CFAP97D2: variants seen among roughly 807,000 people sequenced by gnomAD.
The protein encoded by CFAP97D2 is CFAP97 domain containing 2.
rs994102499 is a variant in CFAP97D2 at position 114,182,425 on chromosome 13, C to T, written c.90+3005C>T. On this transcript the variant is annotated intron_variant, in intron 1 of 4. Coordinates refer to ENST00000646158, the Ensembl canonical transcript of CFAP97D2. Reference sequence around the variant, plus strand: ...CCAGGGGCAGGCAGGAGACAGTGGCCTTCCTCTATCTCAACTGCAAGAGGC... The same window carrying T: ...CCAGGGGCAGGCAGGAGACAGTGGCTTTCCTCTATCTCAACTGCAAGAGGC... 2.9e-3 allele frequency among the ~76,000 whole-genome samples: 437 copies of T among 152,094 alleles called. 1 individual carries two copies. The highest frequency in any genetic ancestry group is 6.3e-3 in the African/African-American group (263 of 41,468).
intron 4 of CFAP97D2, among the ~76,000 whole-genome samples, chr13:114,220,174 G>A (rs1182346096): frequency 2.6e-5 from 4 of 152,120 alleles, no homozygotes; most frequent in South Asian, 4.1e-4. Flanking sequence ...TGGGCCCAGC[G>A]GCCACCTTGA....
At chr13:114,221,419 A>G (rs9590483) in intron 4 of CFAP97D2, among the ~76,000 whole-genome samples, 29,255 of 152,258 alleles carry the variant, frequency 0.19, 3,128 homozygotes, top group African/African-American at 0.29. Context: ...ATGTTTAACA[A>G]CAAAACTGAC....
At chr13:114,216,398 G>C (rs2080993302) in intron 4 of CFAP97D2, among the ~76,000 whole-genome samples, 1 of 152,012 alleles carries the variant, frequency 6.6e-6, no homozygotes, top group African/African-American at 2.4e-5. Flanking sequence ...CCACTAACTT[G>C]TCATCTACGT....
At position 114,211,330 on chromosome 13, in the gene CFAP97D2, C is replaced by T. The variant is rs990410308; in HGVS notation, c.291-582C>T. ...TCCCACTTCATGCTCCCCAGTCCAG[C>T]CCCAGCCTGTCCACAGGGGTCTTTC... On this transcript the variant is annotated intron_variant, in intron 3 of 4. Transcript: ENST00000646158. This position sits in a 1 kb window ranked among gnomAD's most constrained non-coding sequence, Gnocchi z 4.2. Among the ~76,000 whole-genome samples, 2 of 152,304 alleles carry T rather than the reference C, an allele frequency of 1.3e-5. No individual in the cohort carries two copies. Among genetic ancestry groups the T allele is most frequent in the East Asian group, 3.9e-4 (2 of 5,178 alleles).
At position 114,209,668 on chromosome 13, in the gene CFAP97D2, G is replaced by A. The variant is rs554888230; in HGVS notation, c.291-2244G>A. ...CCACCGTTGTGTCTTCCTTTACCAC[G>A]GGCACCACAGTTGTCATCCAAGCAG... On this transcript the variant is annotated intron_variant, in intron 3 of 4. Coordinates refer to ENST00000646158, the Ensembl canonical transcript of CFAP97D2. 7.2e-5 allele frequency among the ~76,000 whole-genome samples: 11 copies of A among 152,086 alleles called. No homozygotes were observed. The South Asian group carries it at 1.7e-3, about 23-fold the overall frequency.
chr13:114,194,599 C>G (rs955989267), intron 1 of CFAP97D2, among the ~76,000 whole-genome samples: 2 of 152,064 alleles, frequency 1.3e-5, no homozygotes, highest in Non-Finnish European at 1.5e-5. Flanking sequence ...CATTTCCCCC[C>G]CAAGAGCATT....
At position 114,207,378 on chromosome 13, in the gene CFAP97D2, A is replaced by G. The variant is rs1434706131; in HGVS notation, c.291-4534A>G. Among the ~76,000 whole-genome samples, 1 of 152,152 alleles carries G rather than the reference A, an allele frequency of 6.6e-6. No individual in the cohort carries two copies. Among genetic ancestry groups the G allele is most frequent in the East Asian group, 1.9e-4 (1 of 5,202 alleles). ...GAATGAAGTAATTATACAACTCAAC[A>G]TCATGTAGAATCAGTGGGAGCCCTG... On this transcript the variant is annotated intron_variant, in intron 3 of 4. Transcript: ENST00000646158. The surrounding 1 kb of genome is among the most constrained non-coding windows in gnomAD (Gnocchi z 4.9).
At chr13:114,196,003 A>C (rs182636829) in intron 1 of CFAP97D2, among the ~76,000 whole-genome samples, 4 of 151,240 alleles carry the variant, frequency 2.6e-5, no homozygotes, top group Non-Finnish European at 5.9e-5. Flanking sequence ...GAATGGCATG[A>C]ACCCGGCAGA....
At position 114,186,658 on chromosome 13, in the gene CFAP97D2, G is replaced by A. The variant is rs1008041685; in HGVS notation, c.90+7238G>A. On this transcript the variant is annotated intron_variant, in intron 1 of 4. Transcript: ENST00000646158. This position sits in a 1 kb window ranked among gnomAD's most constrained non-coding sequence, Gnocchi z 4.3. ...GCCCTGCAGTTCCTGGAGCCTCCAA[G>A]CTTCTGGGCACCACTGCATTCCCCA... Among the ~76,000 whole-genome samples, 3 of 152,226 alleles carry A rather than the reference G, an allele frequency of 2.0e-5. No individual in the cohort carries two copies. Among genetic ancestry groups the A allele is most frequent in the African/African-American group, 7.2e-5 (3 of 41,456 alleles).
chr13:114,195,337 G>A lies in CFAP97D2; in HGVS notation c.91-1059G>A, dbSNP rs12585968. ...GCTCCTAAGTGTGCTCTGTGAACAC[G>A]TCTCCATCTGCCCCTTTCTCCACCT... On this transcript the variant is annotated intron_variant, in intron 1 of 4. Coordinates refer to ENST00000646158, the Ensembl canonical transcript of CFAP97D2. Among the ~76,000 whole-genome samples the A allele has an allele frequency of 3.1e-3, 475 of 152,230 alleles. 7 individuals carry two copies. The highest frequency in any genetic ancestry group is 1.3e-3 in the Non-Finnish European group (91 of 68,024).
chr13:114,217,976 TG>T lies in CFAP97D2; in HGVS notation c.481-4521del, dbSNP rs527635934. Among the ~76,000 whole-genome samples, 35 of 152,300 alleles carry T rather than the reference TG, an allele frequency of 2.3e-4. No individual in the cohort carries two copies. In the East Asian group the frequency reaches 6.6e-3, roughly 29 times the overall value. On this transcript the variant is annotated intron_variant, in intron 4 of 4. Coordinates refer to ENST00000646158, the Ensembl canonical transcript of CFAP97D2. ...TTTGAAAACTGGCACAAGACAGGGA[TG>T]CCCTCTCTCACCACTCCTATTCAAC... is the stretch of plus-strand genomic sequence containing the variant.
rs550261564 is a variant in CFAP97D2, at chr13:114,209,682, T to C, written c.291-2230T>C. ...TCCTTTACCACGGGCACCACAGTTG[T>C]CATCCAAGCAGCCAAAGTCATCATT... On this transcript the variant is annotated intron_variant, in intron 3 of 4. Transcript: ENST00000646158. 2.0e-5 allele frequency among the ~76,000 whole-genome samples: 3 copies of C among 152,080 alleles called. No individual in the cohort carries two copies. In the South Asian group the frequency reaches 6.2e-4, roughly 32 times the overall value.
At position 114,204,685 on chromosome 13, in the gene CFAP97D2, C is replaced by T. The variant is rs142963370; in HGVS notation, c.290+4242C>T. Among the ~76,000 whole-genome samples, 994 of 152,168 alleles carry T rather than the reference C, an allele frequency of 6.5e-3. 2 individuals are homozygous for T. Among genetic ancestry groups the T allele is most frequent in the African/African-American group, 0.01 (427 of 41,516 alleles). On this transcript the variant is annotated intron_variant, in intron 3 of 4. Coordinates refer to ENST00000646158, the Ensembl canonical transcript of CFAP97D2. ...ACCATATAGAAGAATTAATCAAAAA[C>T]GGATCAAAGGCCTAAATGTAAGAAC...
At chr13:114,198,839 C>G (rs191618934) in intron 2 of CFAP97D2, among the ~76,000 whole-genome samples, 3 of 60,442 alleles carry the variant, frequency 5.0e-5, no homozygotes, top group Non-Finnish European at 8.0e-5. Context: ...CGTGACAGCG[C>G]GTCCCCGTGT....
intron 2 of CFAP97D2, among the ~76,000 whole-genome samples, chr13:114,198,100 G>A (rs566477857): frequency 6.6e-6 from 1 of 152,150 alleles, no homozygotes; most frequent in Non-Finnish European, 1.5e-5. Context: ...CGATTCCCCT[G>A]CCTCAGCCTC....
At chr13:114,197,357 T>C (rs1407416626) in intron 2 of CFAP97D2, among the ~76,000 whole-genome samples, 1 of 152,374 alleles carries the variant, frequency 6.6e-6, no homozygotes, top group South Asian at 2.1e-4. Flanking sequence ...TTAAGGTCTC[T>C]GTTTTAACCT....
intron 3 of CFAP97D2, 37 bp downstream of exon 3, chr13:114,200,480 C>T (rs897273240): frequency 2.5e-5 from 10 of 398,388 alleles, no homozygotes; most frequent in Middle Eastern, 6.3e-4. Context: ...CCCGGCTCAG[C>T]ACCAAACCCG....
intron 4 of CFAP97D2, among the ~76,000 whole-genome samples, chr13:114,221,341 T>C (rs934066662): frequency 6.6e-6 from 1 of 152,236 alleles, no homozygotes. Flanking sequence ...CCCTTTACCA[T>C]CCAGCAACAA....
intron 1 of CFAP97D2, among the ~76,000 whole-genome samples, chr13:114,183,729 G>C (rs776227884): frequency 2.6e-5 from 4 of 152,166 alleles, no homozygotes; most frequent in Non-Finnish European, 4.4e-5. Context: ...CTATTCACAA[G>C]AGCAGAGCCC....
Sources: gnomAD v4.1 joint callset for allele counts (sites outside exome capture counted in the v4.1 genomes callset) on GRCh38, gnomAD v4.1.1 for gene constraint, Gnocchi (gnomAD v3.1) non-coding constraint, MANE v1.5 for transcripts, NCBI Gene and HGNC (gene_info 2026-07-23, HGNC 2026-07-21) for gene names.